The following YWHAE variants were observed in gnomAD, a reference collection of about 807,000 sequenced individuals.
YWHAE encodes 14-3-3 protein epsilon.
A neutral mutation model predicts 30.1 loss-of-function variants in YWHAE; 4 were observed. The ratio of observed to expected loss-of-function variants is 0.13; its 90% CI spans 0.07 to 0.30. The LOEUF is 0.30. Ranked by LOEUF, YWHAE falls within the 10% of genes least tolerant of loss-of-function variation. The probability of loss-of-function intolerance (pLI) is 1.00; values close to 1 mark genes in which losing one functional copy is unlikely to be tolerated. For missense variants in YWHAE, 121 were observed against 315.9 expected, an observed-to-expected ratio of 0.38 and a Z score of 4.68; for synonymous variants, 118 against 111.8, an observed-to-expected ratio of 1.06 and a Z score of -0.35.
intron 1 of YWHAE, among the ~76,000 whole-genome samples, chr17:1,372,775 A>C (rs2073061192): frequency 6.6e-6 from 1 of 152,100 alleles, no homozygotes; most frequent in African/African-American, 2.4e-5. Flanking sequence ...GCAACAGGTG[A>C]GACCCTATCT....
chr17:1,354,570 G>C (rs1044919956), intron 4 of YWHAE, among the ~76,000 whole-genome samples: 1 of 152,022 alleles, frequency 6.6e-6, no homozygotes, highest in African/African-American at 2.4e-5. Context: ...TATACATATC[G>C]ACTAATAAAA....
At chr17:1,388,117 G>GTTTTTTTTTTTTTTTTTTTTTTTT (rs1491196737) in intron 1 of YWHAE, among the ~76,000 whole-genome samples, 16 of 65,108 alleles carry the variant, frequency 2.5e-4, no homozygotes, top group Non-Finnish European at 2.8e-4. Context: ...TTTTTTGGTT[G>GTTTTTTTTTTTTTTTTTTTTTTTT]GTTTTTTTTT....
chr17:1,368,124 C>T (rs931260778), intron 1 of YWHAE, among the ~76,000 whole-genome samples: 6 of 152,092 alleles, frequency 3.9e-5, no homozygotes, highest in Non-Finnish European at 8.8e-5. Flanking sequence ...CGGTGACTCA[C>T]GCCTGTAATC....
chr17:1,390,702 G>A (rs2073376567), intron 1 of YWHAE, among the ~76,000 whole-genome samples: 1 of 152,172 alleles, frequency 6.6e-6, no homozygotes, highest in Admixed American at 6.5e-5. Flanking sequence ...AACTCTTACA[G>A]TAATGCATCT....
At chr17:1,357,966 A>G (rs1567960889) in intron 4 of YWHAE, among the ~76,000 whole-genome samples, 1 of 151,778 alleles carries the variant, frequency 6.6e-6, no homozygotes, top group South Asian at 2.1e-4. Flanking sequence ...AGCAAAAAAC[A>G]ACAACAACAA....
chr17:1,384,767 G>A (rs1220749354), intron 1 of YWHAE, among the ~76,000 whole-genome samples: 1 of 151,958 alleles, frequency 6.6e-6, no homozygotes, highest in Non-Finnish European at 1.5e-5. Context: ...GTGCAATGGC[G>A]CTATCTCGGC....
chr17:1,373,025 T>C (rs1450446557), intron 1 of YWHAE, among the ~76,000 whole-genome samples: 1 of 149,506 alleles, frequency 6.7e-6, no homozygotes, highest in East Asian at 2.0e-4. Flanking sequence ...GCAGATCACA[T>C]GAGGTCGGGA....
intron 1 of YWHAE, among the ~76,000 whole-genome samples, chr17:1,371,123 C>CA (rs1254627909): frequency 3.3e-5 from 5 of 152,174 alleles, no homozygotes; most frequent in Admixed American, 3.3e-4. Flanking sequence ...CACACTCTGT[C>CA]ACCCAAGATG....
intron 1 of YWHAE, among the ~76,000 whole-genome samples, chr17:1,382,194 G>A (rs950209727): frequency 1.3e-4 from 19 of 151,476 alleles, no homozygotes; most frequent in African/African-American, 2.7e-4. Context: ...GACTTCAGGC[G>A]CCCACCACCA....
chr17:1,345,140 G>A lies in YWHAE; in HGVS notation c.*307C>T, dbSNP rs1424005154. The A allele has an allele frequency of 2.4e-6, 1 of 413,632 alleles. No individual in the cohort carries two copies. 25.6% of individuals were successfully genotyped at this position (413,632 alleles called of 1,614,324 possible). On this transcript the variant is annotated 3_prime_UTR_variant, in exon 6 of 6. Coordinates refer to ENST00000264335, the MANE Select transcript of YWHAE (RefSeq NM_006761.5). ...CAAATGTAATTTCCATTTGCTAATG[G>A]TGATCTTGCCACATCTGGCACGGAG...
chr17:1,382,807 T>C (rs927537881), intron 1 of YWHAE, among the ~76,000 whole-genome samples: 5 of 152,008 alleles, frequency 3.3e-5, no homozygotes, highest in African/African-American at 1.2e-4. Flanking sequence ...AGCGGATCAC[T>C]TGAGGTCAGG....
Position 1,361,640 on chromosome 17 carries a change from T to C in YWHAE, c.371+262A>G, listed in dbSNP as rs2072866650. On this transcript the variant is annotated intron_variant, in intron 3 of 5. Coordinates refer to ENST00000264335, the MANE Select transcript of YWHAE (RefSeq NM_006761.5). ...TATTAATCATAAAATAAAATGTCTA[T>C]ATATAACACTAAGCACTGTGAAATG... 5 of 439,934 alleles carry C rather than the reference T, an allele frequency of 1.1e-5. No individual in the cohort carries two copies. The Middle Eastern group carries it at 1.8e-3, about 162-fold the overall frequency. The allele number at this position is 439,934 out of a possible 1,614,324, so 27.3% of individuals were successfully genotyped here.
intron 2 of YWHAE, among the ~76,000 whole-genome samples, chr17:1,364,224 G>C (rs1169245144): frequency 6.7e-5 from 7 of 104,276 alleles, no homozygotes; most frequent in Non-Finnish European, 1.1e-4. Flanking sequence ...ATTGGTTTTT[G>C]GGTGCTTTTT....
chr17:1,362,418 G>T (rs954107050), intron 2 of YWHAE, among the ~76,000 whole-genome samples: 1 of 152,082 alleles, frequency 6.6e-6, no homozygotes, highest in South Asian at 2.1e-4. Flanking sequence ...AATTAAATAA[G>T]AATTTAATAA....
intron 4 of YWHAE, among the ~76,000 whole-genome samples, chr17:1,356,990 C>T (rs2072757017): frequency 6.6e-6 from 1 of 152,008 alleles, no homozygotes; most frequent in Non-Finnish European, 1.5e-5. Flanking sequence ...CCAAAAGGGG[C>T]CGGGCGCGGT....
chr17:1,381,483 T>C (rs1057462416), intron 1 of YWHAE, among the ~76,000 whole-genome samples: 1 of 152,004 alleles, frequency 6.6e-6, no homozygotes, highest in African/African-American at 2.4e-5. Flanking sequence ...CACTCCAGCA[T>C]GGGCAACAGG....
At chr17:1,361,742 T>G in intron 3 of YWHAE, 160 bp downstream of exon 3, 1 of 548,692 alleles carries the variant, frequency 1.8e-6, no homozygotes, top group Non-Finnish European at 3.2e-6. Flanking sequence ...CTAATACATT[T>G]TCATAATAGC....
rs367885233 is a variant in YWHAE, at chr17:1,359,368, A to ACCTCAAGTTAAACCACCT, written c.578+1723_578+1724insAGGTGGTTTAACTTGAGG. 4.4e-3 allele frequency among the ~76,000 whole-genome samples: 668 copies of ACCTCAAGTTAAACCACCT among 152,280 alleles called. 6 individuals carry two copies. The highest frequency in any genetic ancestry group is 0.015 in the African/African-American group (620 of 41,570). Reference sequence around the variant, plus strand: ...ATTCCACCTCAAGGTGAAGTTAAATACAAGGACTCAAGCAAATACTTAGTG... The same window carrying ACCTCAAGTTAAACCACCT: ...ATTCCACCTCAAGGTGAAGTTAAATACCTCAAGTTAAACCACCTCAAGGACTCAAGCAAATACTTAGTG... On this transcript the variant is annotated intron_variant, in intron 4 of 5. Coordinates refer to ENST00000264335, the MANE Select transcript of YWHAE (RefSeq NM_006761.5).
intron 1 of YWHAE, among the ~76,000 whole-genome samples, chr17:1,370,260 G>A (rs941937416): frequency 2.1e-4 from 32 of 150,918 alleles, no homozygotes. Context: ...CCGAGTAGCT[G>A]GGACCACAGG....
Sources: allele counts gnomAD v4.1 joint callset (sites outside exome capture counted in the v4.1 genomes callset), GRCh38; gene constraint gnomAD v4.1.1; transcripts MANE v1.5; gene names NCBI Gene and HGNC (gene_info 2026-07-23, HGNC 2026-07-21).